WDFY1: variants seen among roughly 807,000 people sequenced by gnomAD.
The protein encoded by WDFY1 is WD repeat and FYVE domain containing 1.
In WDFY1, 32 loss-of-function variants were observed where a neutral mutation model predicts 56.4. The ratio of observed to expected loss-of-function variants is 0.57; its 90% CI spans 0.43 to 0.76. The LOEUF (loss-of-function observed/expected upper bound fraction) is 0.76. Ranked by LOEUF, WDFY1 falls within the 30% of genes least tolerant of loss-of-function variation. WDFY1 has a pLI of 0.00. For missense variants in WDFY1, 480 were observed against 545.7 expected, an observed-to-expected ratio of 0.88 and a Z score of 1.20; for synonymous variants, 192 against 197.3, an observed-to-expected ratio of 0.97 and a Z score of 0.23.
rs951758590 is a variant in WDFY1, at chr2:223,876,196, A to G, written c.*2475T>C. On this transcript the variant is annotated 3_prime_UTR_variant, in exon 12 of 12. Coordinates refer to ENST00000233055, the MANE Select transcript of WDFY1 (RefSeq NM_020830.5). ...AGATGTAAATATAAGGATCTTCTCT[A>G]ATAGTCTGTATTCCTTAATCCCTAT... 3.9e-5 allele frequency: 6 copies of G among 152,548 alleles called. No individual in the cohort carries two copies. Among genetic ancestry groups the G allele is most frequent in the African/African-American group, 1.4e-4 (6 of 41,424 alleles). 9.4% of individuals were successfully genotyped at this position (152,548 alleles called of 1,614,324 possible). A position where few individuals can be genotyped will look rare whatever the true frequency, so the allele number is the denominator to read the frequency against.
chr2:223,898,889 C>T, intron 6 of WDFY1, 69 bp downstream of exon 6: 1 of 1,162,902 alleles, frequency 8.6e-7, no homozygotes, highest in Non-Finnish European at 1.3e-6. Context: ...CATGAATCCA[C>T]ATAGTAGAGA....
chr2:223,929,035 T>C (rs1694031364), intron 1 of WDFY1, among the ~76,000 whole-genome samples: 1 of 152,156 alleles, frequency 6.6e-6, no homozygotes, highest in African/African-American at 2.4e-5. Context: ...CCAGCAGAGC[T>C]GGCCAAGACA....
At chr2:223,922,288 T>C (rs1331081513) in intron 1 of WDFY1, among the ~76,000 whole-genome samples, 1 of 152,234 alleles carries the variant, frequency 6.6e-6, no homozygotes, top group Non-Finnish European at 1.5e-5. Context: ...CCAATGATGA[T>C]CCTTAAACAT....
chr2:223,941,994 C>A (rs1044486385), intron 1 of WDFY1, among the ~76,000 whole-genome samples: 1 of 152,204 alleles, frequency 6.6e-6, no homozygotes, highest in Admixed American at 6.5e-5. Flanking sequence ...AAACGCCAAC[C>A]CCATCCTGGT....
At chr2:223,887,250 A>C (rs1413421948) in intron 8 of WDFY1, among the ~76,000 whole-genome samples, 1 of 152,180 alleles carries the variant, frequency 6.6e-6, no homozygotes, top group African/African-American at 2.4e-5. Context: ...TGTGCTGCCA[A>C]TGGCACAGGG....
chr2:223,927,471 T>C (rs1184817003), intron 1 of WDFY1, among the ~76,000 whole-genome samples: 1 of 152,232 alleles, frequency 6.6e-6, no homozygotes. Flanking sequence ...CCAATTCTGC[T>C]AGCTTCAAAC....
At chr2:223,892,446 G>A (rs111719467) in intron 8 of WDFY1, among the ~76,000 whole-genome samples, 2 of 152,110 alleles carry the variant, frequency 1.3e-5, no homozygotes, top group African/African-American at 2.4e-5. Context: ...CAATCAGTAC[G>A]TCTCTGTATT....
intron 1 of WDFY1, among the ~76,000 whole-genome samples, chr2:223,936,941 C>T (rs1694176334): frequency 6.6e-6 from 1 of 152,196 alleles, no homozygotes; most frequent in Non-Finnish European, 1.5e-5. Context: ...TCTTGGAAGC[C>T]TTGTGTCTGG....
At chr2:223,921,544 A>C (rs1041121480) in intron 1 of WDFY1, among the ~76,000 whole-genome samples, 5 of 152,226 alleles carry the variant, frequency 3.3e-5, no homozygotes, top group African/African-American at 1.2e-4. Flanking sequence ...AGACTTACTT[A>C]AATCCTAATT....
At chr2:223,912,993 T>C (rs1693729411) in intron 2 of WDFY1, among the ~76,000 whole-genome samples, 1 of 152,166 alleles carries the variant, frequency 6.6e-6, no homozygotes, top group African/African-American at 2.4e-5. Context: ...TAAGGAATTT[T>C]AATTAGCAAT....
intron 1 of WDFY1, among the ~76,000 whole-genome samples, chr2:223,944,088 T>C (rs1040478864): frequency 6.6e-6 from 1 of 152,242 alleles, no homozygotes; most frequent in Non-Finnish European, 1.5e-5. Flanking sequence ...AATGAGTCAC[T>C]TTCACAAAAA....
intron 1 of WDFY1, among the ~76,000 whole-genome samples, chr2:223,934,511 A>C (rs908829653): frequency 1.3e-5 from 2 of 152,050 alleles, no homozygotes; most frequent in African/African-American, 2.4e-5. Flanking sequence ...CATGTTAGAA[A>C]AATTTTATTT....
chr2:223,942,353 G>A (rs1689319581), intron 1 of WDFY1, among the ~76,000 whole-genome samples: 1 of 151,260 alleles, frequency 6.6e-6, no homozygotes, highest in Non-Finnish European at 1.5e-5. Flanking sequence ...CCGAGTAGCT[G>A]GGACTACAGG....
intron 1 of WDFY1, among the ~76,000 whole-genome samples, chr2:223,926,674 ATGTG>A (rs1693988799): frequency 1.6e-5 from 2 of 123,974 alleles, no homozygotes; most frequent in Admixed American, 1.7e-4. Context: ...GTGTGTGTGT[ATGTG>A]TATTTTTGAA....
intron 8 of WDFY1, among the ~76,000 whole-genome samples, chr2:223,888,682 G>A (rs895703236): frequency 1.4e-5 from 2 of 147,468 alleles, no homozygotes; most frequent in Admixed American, 1.4e-4. Context: ...TGCCTCCCGG[G>A]TTCAAGCAAT....
Position 223,940,328 on chromosome 2 carries a change from G to T in WDFY1, c.137+4820C>A, listed in dbSNP as rs148035347. The stretch of plus-strand genomic sequence containing the variant: ...GATTACAAACAGTCTCATTTGTTCA[G>T]GCCAAATTTTAGCACCAAACGAGTT... On this transcript the variant is annotated intron_variant, in intron 1 of 11. Coordinates refer to ENST00000233055, the MANE Select transcript of WDFY1 (RefSeq NM_020830.5). Among the ~76,000 whole-genome samples, 275 of 152,082 alleles carry T rather than the reference G, an allele frequency of 1.8e-3. 1 individual carries two copies. Among genetic ancestry groups the T allele is most frequent in the Middle Eastern group, 0.017 (5 of 294 alleles).
intron 6 of WDFY1, among the ~76,000 whole-genome samples, chr2:223,897,365 T>C (rs1156492101): frequency 7.1e-5 from 2 of 28,362 alleles, no homozygotes. Context: ...TATATATATA[T>C]ATATATATAT....
At chr2:223,891,609 C>T (rs1693280790) in intron 8 of WDFY1, among the ~76,000 whole-genome samples, 1 of 151,570 alleles carries the variant, frequency 6.6e-6, no homozygotes, top group Non-Finnish European at 1.5e-5. Flanking sequence ...TTTTTCTTTC[C>T]CTAGATAGAG....
At chr2:223,886,271 G>A (rs914605542) in intron 8 of WDFY1, among the ~76,000 whole-genome samples, 5 of 152,006 alleles carry the variant, frequency 3.3e-5, no homozygotes, top group African/African-American at 4.8e-5. Flanking sequence ...CCCAGGAGGC[G>A]GAGGTTGCAG....
Sources: gnomAD v4.1 joint callset for allele counts (sites outside exome capture counted in the v4.1 genomes callset) on GRCh38, gnomAD v4.1.1 for gene constraint, MANE v1.5 for transcripts, NCBI Gene and HGNC (gene_info 2026-07-23, HGNC 2026-07-21) for gene names.